Variants in STK3 observed in about 807,000 individuals in gnomAD.
STK3 encodes serine/threonine-protein kinase 3.
In STK3, 41 loss-of-function variants were observed where a neutral mutation model predicts 58.0. The observed-to-expected ratio is 0.71, with a 90% confidence interval of 0.55 to 0.92. The LOEUF (loss-of-function observed/expected upper bound fraction) is 0.92. Among genes scored for constraint, STK3 ranks in the 40% least tolerant of loss-of-function variants. STK3 has a pLI of 0.00. For synonymous variants in STK3, 170 were observed against 191.0 expected, an observed-to-expected ratio of 0.89 and a Z score of 0.91; for missense variants, 479 against 602.7, an observed-to-expected ratio of 0.79 and a Z score of 2.15.
chr8:98,455,649 T>G lies in STK3; in HGVS notation c.*193A>C, dbSNP rs1327250265. The G allele has an allele frequency of 3.3e-6, 2 of 613,824 alleles. No homozygotes were observed. The highest frequency in any genetic ancestry group is 5.7e-6 in the Non-Finnish European group (2 of 353,738). 38.0% of individuals were successfully genotyped at this position (613,824 alleles called of 1,614,324 possible). On this transcript the variant is annotated 3_prime_UTR_variant, in exon 11 of 11. Transcript: ENST00000419617. Reference sequence around the variant, plus strand: ...TACACTTCTTTTGTTCTCCTCATCTTAGAGTGAATGCACAGCAGATACAAC... The same window carrying G: ...TACACTTCTTTTGTTCTCCTCATCTGAGAGTGAATGCACAGCAGATACAAC...
At chr8:98,878,593 T>A (rs1837656672) in intron 3 of STK3, among the ~76,000 whole-genome samples, 1 of 152,108 alleles carries the variant, frequency 6.6e-6, no homozygotes, top group African/African-American at 2.4e-5. Flanking sequence ...GTTTAGCCTG[T>A]GCAGTCTAAC....
chr8:98,872,786 A>C (rs1837426294), intron 3 of STK3, among the ~76,000 whole-genome samples: 1 of 152,098 alleles, frequency 6.6e-6, no homozygotes, highest in Non-Finnish European at 1.5e-5. Context: ...TTTTCAAAAA[A>C]CCAGCTCCTG....
intron 10 of STK3, among the ~76,000 whole-genome samples, chr8:98,480,963 A>C (rs1586668143): frequency 6.6e-6 from 1 of 152,194 alleles, no homozygotes; most frequent in Non-Finnish European, 1.5e-5. Flanking sequence ...AGCTTTTTGA[A>C]TATATTAAAA....
At chr8:98,590,430 G>A (rs950733399) in intron 7 of STK3, among the ~76,000 whole-genome samples, 5 of 152,214 alleles carry the variant, frequency 3.3e-5, no homozygotes, top group Admixed American at 2.0e-4. Flanking sequence ...GATCTGGGAA[G>A]GAGTCAGAGA....
chr8:98,941,855 A>T (rs1564118957), intron 1 of STK3, among the ~76,000 whole-genome samples: 1 of 152,270 alleles, frequency 6.6e-6, no homozygotes, highest in Non-Finnish European at 1.5e-5. Flanking sequence ...TCGCAAGTCC[A>T]GAGCCGCGAG....
chr8:98,811,271 G>A (rs992832586), intron 1 of STK3, among the ~76,000 whole-genome samples: 2 of 152,156 alleles, frequency 1.3e-5, no homozygotes, highest in African/African-American at 4.8e-5. Context: ...TTTCAGCTCT[G>A]TAACTGTCAA....
Position 98,861,344 on chromosome 8 carries a change from A to ATTTTTT in STK3, c.110+22297_110+22302dup, listed in dbSNP as rs772895902. Among the ~76,000 whole-genome samples, 3 of 85,922 alleles carry ATTTTTT rather than the reference A, an allele frequency of 3.5e-5. 1 individual carries two copies. The highest frequency in any genetic ancestry group is 9.6e-5 in the African/African-American group (2 of 20,800). The allele number at this position is 85,922 out of a possible 152,430, so 56.4% of individuals were successfully genotyped here. ...TATTCTTAGGGCTTTGTTTCTTTGG[A>ATTTTTT]TTTTTTTTTTTTTTTTTTTTTTTTT... On this transcript the variant is annotated intron_variant, in intron 3 of 12. Coordinates refer to the STK3 transcript ENST00000523601.
chr8:98,721,199 T>C, intron 4 of STK3: 4 of 816,772 alleles, frequency 4.9e-6, no homozygotes, highest in Non-Finnish European at 5.9e-6. Flanking sequence ...TTTAAACATT[T>C]TAAAAATACT....
At chr8:98,594,654 C>T (rs1014459563) in intron 7 of STK3, among the ~76,000 whole-genome samples, 10 of 152,030 alleles carry the variant, frequency 6.6e-5, no homozygotes, top group Non-Finnish European at 1.5e-4. Flanking sequence ...ATATATAACA[C>T]ATACATATAT....
chr8:98,549,206 A>G (rs549881898), intron 8 of STK3, among the ~76,000 whole-genome samples: 83 of 152,260 alleles, frequency 5.5e-4, no homozygotes, highest in African/African-American at 1.8e-3. Flanking sequence ...TGGCTATACC[A>G]TTTTACACTC....
intron 6 of STK3, among the ~76,000 whole-genome samples, chr8:98,612,309 C>T (rs1257302846): frequency 6.6e-6 from 1 of 150,384 alleles, no homozygotes; most frequent in South Asian, 2.1e-4. Flanking sequence ...ATAATCCCAG[C>T]CACTTGGGAA....
At chr8:98,378,284 G>C (rs553094160) in intron 2 of STK3, among the ~76,000 whole-genome samples, 3 of 152,276 alleles carry the variant, frequency 2.0e-5, no homozygotes, top group Non-Finnish European at 4.4e-5. Context: ...GCTGAACAAA[G>C]ACCTCCAGCA....
At chr8:98,930,840 A>G (rs763138760) in intron 1 of STK3, among the ~76,000 whole-genome samples, 2 of 152,220 alleles carry the variant, frequency 1.3e-5, no homozygotes, top group Non-Finnish European at 2.9e-5. Context: ...CTCTATACTC[A>G]TGAAAATCCC....
intron 4 of STK3, among the ~76,000 whole-genome samples, chr8:98,729,893 G>A (rs1828050416): frequency 6.6e-6 from 1 of 152,146 alleles, no homozygotes; most frequent in Non-Finnish European, 1.5e-5. Flanking sequence ...CTAGTCTTCA[G>A]CTATAATTCC....
intron 10 of STK3, among the ~76,000 whole-genome samples, chr8:98,484,266 C>T (rs1822074425): frequency 6.6e-6 from 1 of 152,060 alleles, no homozygotes; most frequent in South Asian, 2.1e-4. Context: ...CTTTGTCATT[C>T]AAAATAGTTT....
chr8:98,553,745 C>T (rs922539228), intron 8 of STK3, among the ~76,000 whole-genome samples: 3 of 152,118 alleles, frequency 2.0e-5, no homozygotes, highest in Non-Finnish European at 4.4e-5. Flanking sequence ...GGTTGGATCA[C>T]CTGATGGCAG....
At chr8:98,526,954 C>A in intron 9 of STK3, 37 bp from the exon 10 acceptor site, 1 of 1,413,992 alleles carries the variant, frequency 7.1e-7, no homozygotes, top group Non-Finnish European at 9.3e-7. Context: ...GGTATAAGTT[C>A]TTACATTTAA....
chr8:98,620,425 C>T (rs1461682557), intron 6 of STK3, among the ~76,000 whole-genome samples: 6 of 142,888 alleles, frequency 4.2e-5, no homozygotes, highest in Non-Finnish European at 7.6e-5. Context: ...ATGTAACTAA[C>T]CTGCACAATG....
intron 6 of STK3, among the ~76,000 whole-genome samples, chr8:98,601,298 C>T (rs1223105136): frequency 6.6e-6 from 1 of 152,192 alleles, no homozygotes; most frequent in Non-Finnish European, 1.5e-5. Flanking sequence ...CCACCTCTTA[C>T]TCATGCACTA....
Sources: allele counts gnomAD v4.1 joint callset (sites outside exome capture counted in the v4.1 genomes callset), GRCh38; gene constraint gnomAD v4.1.1; transcripts MANE v1.5; gene names NCBI Gene and HGNC (gene_info 2026-07-23, HGNC 2026-07-21).